The following ATP11B variants were observed in gnomAD, a reference collection of about 807,000 sequenced individuals.
ATP11B encodes the protein phospholipid-transporting ATPase IF.
Under a neutral mutation model 157.8 loss-of-function variants are expected in ATP11B, and 81 were observed. That is an observed-to-expected ratio of 0.51 (90% confidence interval 0.43 to 0.62). The LOEUF is 0.62. Ranked by LOEUF, ATP11B falls within the 20% of genes least tolerant of loss-of-function variation. ATP11B has a pLI of 0.00. For synonymous variants in ATP11B, 451 were observed against 469.4 expected (o/e 0.96, Z 0.51); for missense variants, 1,165 against 1,402.2 (o/e 0.83, Z 2.70).
intron 1 of ATP11B, among the ~76,000 whole-genome samples, chr3:182,808,125 C>T (rs1334392570): frequency 1.3e-5 from 2 of 152,146 alleles, no homozygotes; most frequent in Admixed American, 6.5e-5. Context: ...TTACCTAGAA[C>T]GTTGTTTCTT....
chr3:182,885,111 A>G (rs1247267456), intron 22 of ATP11B, among the ~76,000 whole-genome samples: 1 of 152,150 alleles, frequency 6.6e-6, no homozygotes, highest in East Asian at 1.9e-4. Context: ...AGTACATTTG[A>G]TATCTTTAAA....
In ATP11B at chr3:182,793,647, A is replaced by C; in HGVS notation, c.-113A>C. 1 of 580,808 alleles carries C rather than the reference A, an allele frequency of 1.7e-6. No individual in the cohort carries two copies. The highest frequency in any genetic ancestry group is 2.6e-6 in the Non-Finnish European group (1 of 380,938). The allele number at this position is 580,808 out of a possible 1,614,324, so 36.0% of individuals were successfully genotyped here. On this transcript the variant is annotated 5_prime_UTR_variant, in exon 1 of 30. Transcript: ENST00000323116. ...GTGAGGCAGTGGCGGCGGCGGCGGT[A>C]AGCGGAACTTCGGCCCGAGGGGCTC...
At chr3:182,902,463 T>G (rs1360542587) in intron 28 of ATP11B, 1 of 1,282,238 alleles carries the variant, frequency 7.8e-7, no homozygotes, top group Admixed American at 2.3e-5. Flanking sequence ...TGTCCATCCC[T>G]TTTCTGTCCA....
At chr3:182,884,522 T>C (rs73883924) in intron 21 of ATP11B, among the ~76,000 whole-genome samples, 3,092 of 152,216 alleles carry the variant, frequency 0.02, 99 homozygotes, top group African/African-American at 0.072. Context: ...ATTTTATCTT[T>C]TTATATTCTA....
intron 29 of ATP11B, chr3:182,915,133 C>A: frequency 1.0e-6 from 1 of 985,096 alleles, no homozygotes; most frequent in Non-Finnish European, 1.2e-6. Context: ...TGATATCATT[C>A]ATCTGTTATA....
In ATP11B at chr3:182,918,079, C is replaced by A; in HGVS notation, c.3509C>A (p.Ser1170Tyr). The change falls in exon 30 of 30, where the codon TCC (serine) becomes TAC (tyrosine). Residue 1170 changes from serine to tyrosine, a missense_variant. Ser to Tyr is a moderately radical substitution (Grantham distance 144). Coordinates refer to ENST00000323116, the MANE Select transcript of ATP11B (RefSeq NM_014616.3). ...AACGACAGGAGCATCTTGACTCTCTCCACAATGGACTCATCTACTTGTTAA... is the reference window on the plus strand; with the variant it reads ...AACGACAGGAGCATCTTGACTCTCTACACAATGGACTCATCTACTTGTTAA... ...YTNDRSILTLSTMDSSTC is the reference protein window; with the variant it reads ...YTNDRSILTLYTMDSSTC 2 of 1,613,378 alleles carry A rather than the reference C, an allele frequency of 1.2e-6. No homozygotes were observed. The highest frequency in any genetic ancestry group is 1.7e-6 in the Non-Finnish European group (2 of 1,179,506).
intron 10 of ATP11B, among the ~76,000 whole-genome samples, chr3:182,849,626 A>G (rs1577018281): frequency 6.6e-6 from 1 of 152,236 alleles, no homozygotes; most frequent in African/African-American, 2.4e-5. Context: ...AAATGGAAAC[A>G]TCATTAGGTG....
intron 15 of ATP11B, 95 bp downstream of exon 15, chr3:182,867,539 C>A: frequency 4.6e-6 from 3 of 645,778 alleles, no homozygotes; most frequent in Non-Finnish European, 7.6e-6. Context: ...GCAAATGTGG[C>A]CTATATTTTC....
At chr3:182,877,731 A>G (rs1722144422) in intron 19 of ATP11B, among the ~76,000 whole-genome samples, 1 of 152,112 alleles carries the variant, frequency 6.6e-6, no homozygotes, top group Admixed American at 6.5e-5. Flanking sequence ...ATTATAAAGT[A>G]TGGCCAGGGA....
intron 10 of ATP11B, among the ~76,000 whole-genome samples, chr3:182,850,657 A>G (rs555501744): frequency 2.0e-5 from 3 of 152,342 alleles, no homozygotes; most frequent in Admixed American, 6.5e-5. Flanking sequence ...TAGGATAGCC[A>G]CTATGGAAAA....
intron 15 of ATP11B, among the ~76,000 whole-genome samples, chr3:182,867,945 C>A (rs933289600): frequency 6.6e-6 from 1 of 152,102 alleles, no homozygotes; most frequent in African/African-American, 2.4e-5. Context: ...CCTGCAAAGC[C>A]TGAAATATTT....
At chr3:182,864,244 C>G (rs1018128002) in intron 12 of ATP11B, among the ~76,000 whole-genome samples, 6 of 152,064 alleles carry the variant, frequency 3.9e-5, no homozygotes, top group African/African-American at 1.4e-4. Context: ...ATCATGTTAA[C>G]TTTTATTTCC....
In ATP11B at chr3:182,848,565, A is replaced by T; in HGVS notation, c.851+8A>T. 1 of 1,500,132 alleles carries T rather than the reference A, an allele frequency of 6.7e-7. No individual in the cohort carries two copies. The highest frequency in any genetic ancestry group is 2.4e-5 in the East Asian group (1 of 41,420). The allele number at this position is 1,500,132 out of a possible 1,614,324, so 92.9% of individuals were successfully genotyped here. A position where few individuals can be genotyped will look rare whatever the true frequency, so the allele number is the denominator to read the frequency against. ...ACGATCTGCAGTAGAAAAGTAAGAAAACTGTTTTCATTTATTTATATGTAA... is the reference window on the plus strand; with the variant it reads ...ACGATCTGCAGTAGAAAAGTAAGAATACTGTTTTCATTTATTTATATGTAA... On this transcript the variant is annotated splice_region_variant and intron_variant, in intron 10 of 29. Transcript: ENST00000323116.
chr3:182,807,721 A>C (rs1333051044), intron 1 of ATP11B, among the ~76,000 whole-genome samples: 1 of 152,188 alleles, frequency 6.6e-6, no homozygotes, highest in Non-Finnish European at 1.5e-5. Context: ...ATTCTGTAGG[A>C]AAATAAGTGA....
At chr3:182,853,121 T>A (rs1195415767) in intron 10 of ATP11B, among the ~76,000 whole-genome samples, 6 of 152,310 alleles carry the variant, frequency 3.9e-5, no homozygotes, top group South Asian at 2.1e-4. Context: ...GACACATGAT[T>A]TTTCATGTAA....
intron 7 of ATP11B, among the ~76,000 whole-genome samples, chr3:182,838,387 T>G (rs1718725179): frequency 6.6e-6 from 1 of 151,904 alleles, no homozygotes; most frequent in Non-Finnish European, 1.5e-5. Flanking sequence ...AAGATTAATA[T>G]GAGATGAAGT....
chr3:182,796,687 C>A (rs529757452), intron 1 of ATP11B, among the ~76,000 whole-genome samples: 6 of 152,232 alleles, frequency 3.9e-5, no homozygotes, highest in Admixed American at 1.3e-4. Context: ...ACCAGGGATA[C>A]AAATGTTGGT....
intron 2 of ATP11B, among the ~76,000 whole-genome samples, chr3:182,821,389 G>A (rs1456182336): frequency 6.6e-6 from 1 of 152,166 alleles, no homozygotes; most frequent in Admixed American, 6.5e-5. Context: ...TTACAGGTAT[G>A]AGCCACTGCA....
chr3:182,850,246 G>A (rs112211740), intron 10 of ATP11B, among the ~76,000 whole-genome samples: 18,353 of 152,208 alleles, frequency 0.12, 1,248 homozygotes, highest in African/African-American at 0.18. Context: ...ACCAAGGCAG[G>A]AGGATCACTT....
Sources: gnomAD v4.1 joint callset for allele counts (sites outside exome capture counted in the v4.1 genomes callset) on GRCh38, gnomAD v4.1.1 for gene constraint, MANE v1.5 for transcripts, NCBI Gene and HGNC (gene_info 2026-07-23, HGNC 2026-07-21) for gene names.